The following ABCC4 variants were observed in gnomAD, a reference collection of about 807,000 sequenced individuals.
The protein encoded by ABCC4 is ATP-binding cassette sub-family C member 4.
Under a neutral mutation model 168.5 loss-of-function variants are expected in ABCC4, and 102 were observed. The ratio of observed to expected loss-of-function variants is 0.61; its 90% CI spans 0.52 to 0.71. ABCC4 has a LOEUF of 0.71. ABCC4 is among the 30% of genes least tolerant of loss of function. The probability of loss-of-function intolerance (pLI) is 0.00; values close to 1 mark genes in which losing one functional copy is unlikely to be tolerated. For missense variants in ABCC4, 1,402 were observed against 1,605.8 expected (o/e 0.87, Z 2.17); for synonymous variants, 617 against 590.7 (o/e 1.04, Z -0.65).
chr13:95,074,732 G>C (rs908713657), intron 22 of ABCC4, among the ~76,000 whole-genome samples: 3 of 152,140 alleles, frequency 2.0e-5, no homozygotes, highest in Non-Finnish European at 4.4e-5. Flanking sequence ...ATACTTACCA[G>C]AAGGCCCACA....
intron 19 of ABCC4, among the ~76,000 whole-genome samples, chr13:95,134,060 T>C (rs1267195130): frequency 2.6e-5 from 4 of 152,008 alleles, no homozygotes; most frequent in Admixed American, 1.3e-4. Flanking sequence ...CGCTACAATT[T>C]CAAGAGGAGC....
intron 30 of ABCC4, among the ~76,000 whole-genome samples, chr13:95,025,035 A>G (rs946327441): frequency 6.6e-5 from 10 of 152,050 alleles, no homozygotes; most frequent in Admixed American, 1.3e-4. Context: ...GTATGTCAAT[A>G]AAGAATCAAT....
intron 20 of ABCC4, among the ~76,000 whole-genome samples, chr13:95,114,814 T>C (rs2035318151): frequency 6.6e-6 from 1 of 152,324 alleles, no homozygotes; most frequent in Non-Finnish European, 1.5e-5. Flanking sequence ...CCTTTATAAC[T>C]GTGGCTCCAG....
At position 95,192,187 on chromosome 13, in the gene ABCC4, A is replaced by G. The variant is rs1002903686; in HGVS notation, c.1263+2649T>C. On this transcript the variant is annotated intron_variant, in intron 9 of 30. Transcript: ENST00000645237. ...AGGCTGGTGAGAAGACCTTCCCTCC[A>G]ATACCTGCTGGTCTATCCAGCAGGA... 2.0e-5 allele frequency among the ~76,000 whole-genome samples: 3 copies of G among 152,162 alleles called. No individual in the cohort carries two copies. In the East Asian group the frequency reaches 5.8e-4, roughly 29 times the overall value.
intron 1 of ABCC4, among the ~76,000 whole-genome samples, chr13:95,253,231 A>G (rs1286902406): frequency 6.6e-6 from 1 of 151,968 alleles, no homozygotes; most frequent in Non-Finnish European, 1.5e-5. Flanking sequence ...TTGCACACTG[A>G]CCCTCCCATG....
Position 95,020,830 on chromosome 13 carries a change from C to T in ABCC4, c.*745G>A, listed in dbSNP as rs975221162. The T allele has an allele frequency of 1.3e-5, 2 of 152,382 alleles. No homozygotes were observed. The highest frequency in any genetic ancestry group is 4.8e-5 in the African/African-American group (2 of 41,438). 9.4% of individuals were successfully genotyped at this position (152,382 alleles called of 1,614,324 possible). A position where few individuals can be genotyped will look rare whatever the true frequency, so the allele number is the denominator to read the frequency against. On this transcript the variant is annotated 3_prime_UTR_variant, in exon 31 of 31. Transcript: ENST00000645237. Reference sequence around the variant, plus strand: ...CTGAGTCTAAAACTGCAACAGTTACCGTGTCCAAGTCATGCAACTCTAAAG... The same window carrying T: ...CTGAGTCTAAAACTGCAACAGTTACTGTGTCCAAGTCATGCAACTCTAAAG...
intron 30 of ABCC4, among the ~76,000 whole-genome samples, chr13:95,031,727 T>G (rs1198036610): frequency 6.6e-6 from 1 of 152,202 alleles, no homozygotes; most frequent in African/African-American, 2.4e-5. Context: ...TAAAAAAAGA[T>G]TCCTAATTCT....
Position 95,227,464 on chromosome 13 carries a change from T to C in ABCC4, c.531+7146A>G, listed in dbSNP as rs948967252. ...TTATGGACAATGTAAGAAGCACTACTGGGTCATTCTAATTTTGTCAGAAAC... is the reference window on the plus strand; with the variant it reads ...TTATGGACAATGTAAGAAGCACTACCGGGTCATTCTAATTTTGTCAGAAAC... On this transcript the variant is annotated intron_variant, in intron 4 of 30. Transcript: ENST00000645237. Among the ~76,000 whole-genome samples the C allele has an allele frequency of 5.1e-4, 77 of 152,210 alleles. 5 individuals are homozygous for C. The highest frequency in any genetic ancestry group is 5.0e-3 in the Admixed American group (77 of 15,274).
At chr13:95,279,962 T>C (rs907220224) in intron 1 of ABCC4, among the ~76,000 whole-genome samples, 1 of 152,082 alleles carries the variant, frequency 6.6e-6, no homozygotes, top group African/African-American at 2.4e-5. Flanking sequence ...CATCTCAGCA[T>C]TGTCGGTCCT....
chr13:95,237,740 G>T (rs981162803), intron 3 of ABCC4, among the ~76,000 whole-genome samples: 4 of 151,986 alleles, frequency 2.6e-5, no homozygotes, highest in African/African-American at 9.7e-5. Context: ...GCTCCCCCAC[G>T]CACTTCAGAT....
chr13:95,188,374 C>A, intron 10 of ABCC4, 79 bp downstream of exon 10: 2 of 1,296,394 alleles, frequency 1.5e-6, no homozygotes, highest in South Asian at 2.4e-5. Context: ...TTGTGTTACA[C>A]GTAGCCTTGG....
intron 20 of ABCC4, among the ~76,000 whole-genome samples, chr13:95,114,502 T>C (rs2035306751): frequency 6.6e-6 from 1 of 152,190 alleles, no homozygotes; most frequent in South Asian, 2.1e-4. Context: ...GGCAACTGTT[T>C]TAGTGATGGC....
At chr13:95,261,942 A>G (rs2040543347) in intron 1 of ABCC4, among the ~76,000 whole-genome samples, 1 of 152,102 alleles carries the variant, frequency 6.6e-6, no homozygotes, top group South Asian at 2.1e-4. Context: ...CACACAAAAA[A>G]AAAAAAATTT....
intron 1 of ABCC4, among the ~76,000 whole-genome samples, chr13:95,252,182 C>T (rs1220295472): frequency 6.6e-6 from 1 of 151,832 alleles, no homozygotes; most frequent in Non-Finnish European, 1.5e-5. Flanking sequence ...AAAGGCCTTC[C>T]TTTATGTGAA....
intron 3 of ABCC4, among the ~76,000 whole-genome samples, chr13:95,244,008 C>T (rs538701351): frequency 1.5e-3 from 221 of 152,252 alleles, no homozygotes; most frequent in Non-Finnish European, 1.2e-3. Flanking sequence ...ACCAGGACAC[C>T]TAGGAACCTA....
intron 1 of ABCC4, among the ~76,000 whole-genome samples, chr13:95,290,121 T>TAGATA (rs1287955804): frequency 6.0e-5 from 9 of 150,754 alleles, no homozygotes; most frequent in Admixed American, 2.7e-4. Flanking sequence ...GATAGATAGA[T>TAGATA]AGATAGATAG....
intron 1 of ABCC4, among the ~76,000 whole-genome samples, chr13:95,269,006 A>G (rs1594413859): frequency 6.6e-6 from 1 of 152,290 alleles, no homozygotes; most frequent in East Asian, 1.9e-4. Context: ...CCCCTTCACT[A>G]ATAGGCTAGG....
At position 95,263,825 on chromosome 13, in the gene ABCC4, GA is replaced by G. The variant is rs61665973; in HGVS notation, c.75-16073del. ...GTAACAGAGACTCTGTCTCAAAAAA[GA>G]AAAAAAAAAAATGCATAGTACCCAG... On this transcript the variant is annotated intron_variant, in intron 1 of 30. Transcript: ENST00000645237. Among the ~76,000 whole-genome samples the G allele has an allele frequency of 7.2e-3, 1,050 of 146,158 alleles. 28 individuals are homozygous for G. In the East Asian group the frequency reaches 0.087, roughly 12 times the overall value.
chr13:95,263,830 A>AG (rs1207209495), intron 1 of ABCC4, among the ~76,000 whole-genome samples: 1 of 151,784 alleles, frequency 6.6e-6, no homozygotes, highest in Non-Finnish European at 1.5e-5. Context: ...AAAAAGAAAA[A>AG]AAAAAAATGC....
Sources: allele counts gnomAD v4.1 joint callset (sites outside exome capture counted in the v4.1 genomes callset), GRCh38; gene constraint gnomAD v4.1.1; transcripts MANE v1.5; gene names NCBI Gene and HGNC (gene_info 2026-07-23, HGNC 2026-07-21).